FHIP1A: variants seen among roughly 807,000 people sequenced by gnomAD.
FHIP1A encodes the protein FHF complex subunit HOOK-interacting protein 1A.
FHIP1A carries 61 observed loss-of-function variants against 88.6 expected under a neutral mutation model. That is an observed-to-expected ratio of 0.69 (90% CI 0.56 to 0.85). The LOEUF is 0.85. Among genes scored for constraint, FHIP1A ranks in the 40% least tolerant of loss-of-function variants. The pLI, the probability that FHIP1A is intolerant of heterozygous loss-of-function variation, is 0.00. For missense variants in FHIP1A, 1,154 were observed against 1,273.5 expected (o/e 0.91, Z 1.43); for synonymous variants, 478 against 496.0 (o/e 0.96, Z 0.48).
At chr4:151,485,904 C>G (rs1730066971) in intron 3 of FHIP1A, among the ~76,000 whole-genome samples, 1 of 152,112 alleles carries the variant, frequency 6.6e-6, no homozygotes, top group Non-Finnish European at 1.5e-5. Flanking sequence ...TTATATTTAA[C>G]AAGCCCTCTA....
At chr4:151,597,880 G>A (rs572980454) in intron 7 of FHIP1A, among the ~76,000 whole-genome samples, 33 of 152,182 alleles carry the variant, frequency 2.2e-4, no homozygotes, top group Non-Finnish European at 4.7e-4. Flanking sequence ...GCCCCTCCCC[G>A]CACCAAGCTC....
chr4:151,483,178 A>G (rs1729960128), intron 3 of FHIP1A, among the ~76,000 whole-genome samples: 1 of 152,130 alleles, frequency 6.6e-6, no homozygotes, highest in Admixed American at 6.6e-5. Context: ...AAATGTTGAT[A>G]TTCTTTCTTA....
At chr4:151,506,706 A>G (rs567606646) in intron 3 of FHIP1A, among the ~76,000 whole-genome samples, 1 of 152,222 alleles carries the variant, frequency 6.6e-6, no homozygotes, top group East Asian at 1.9e-4. Flanking sequence ...TCAAGGATCC[A>G]CCCTCATGAT....
In FHIP1A at chr4:151,629,754, G is replaced by A. The variant is rs536110772; in HGVS notation, c.1031G>A (p.Arg344His). The part of the protein sequence containing the change: ...TTTAYLDLFL[R>H]SISEPALLEI... Reference sequence around the variant, plus strand: ...ACTGCATATCTGGACCTTTTCCTGCGTAGCATCTCCGAGCCAGCACTACTT... The same window carrying A: ...ACTGCATATCTGGACCTTTTCCTGCATAGCATCTCCGAGCCAGCACTACTT... The change falls in exon 8 of 14, where the codon CGT (arginine) becomes CAT (histidine). Residue 344 changes from arginine (R) to histidine (H), a missense_variant. Coordinates refer to ENST00000435205, the MANE Select transcript of FHIP1A (RefSeq NM_001109977.3). 9.9e-5 allele frequency: 154 copies of A among 1,551,348 alleles called. No individual in the cohort carries two copies. The East Asian group carries it at 1.1e-3, about 11-fold the overall frequency.
intron 3 of FHIP1A, among the ~76,000 whole-genome samples, chr4:151,558,569 AAAG>A (rs1271728718): frequency 1.3e-5 from 2 of 151,336 alleles, no homozygotes; most frequent in Non-Finnish European, 3.0e-5. Context: ...ACAAACAGAA[AAAG>A]TGTTGCAGTG....
At chr4:151,585,855 C>G (rs951425129) in intron 5 of FHIP1A, among the ~76,000 whole-genome samples, 2 of 152,032 alleles carry the variant, frequency 1.3e-5, no homozygotes, top group Non-Finnish European at 2.9e-5. Context: ...AATGCCAGAC[C>G]GATAGATGTC....
intron 1 of FHIP1A, among the ~76,000 whole-genome samples, chr4:151,422,318 G>A (rs1349741067): frequency 6.6e-6 from 1 of 151,824 alleles, no homozygotes; most frequent in African/African-American, 2.4e-5. Flanking sequence ...ATAGACCAGT[G>A]CATGACATTC....
chr4:151,433,205 TATAAG>T (rs1733661716), intron 1 of FHIP1A, among the ~76,000 whole-genome samples: 2 of 151,684 alleles, frequency 1.3e-5, no homozygotes, highest in Non-Finnish European at 2.9e-5. Flanking sequence ...TACAGCAGTA[TATAAG>T]ATAAGTTGGA....
chr4:151,646,707 G>A lies in FHIP1A; in HGVS notation c.1376G>A (p.Arg459Lys). The A allele has an allele frequency of 1.3e-6, 2 of 1,551,502 alleles. No individual in the cohort carries two copies. Among genetic ancestry groups the A allele is most frequent in the Non-Finnish European group, 1.7e-6 (2 of 1,146,924 alleles). ...ACTCTGACGCTGGGGAACCAAGAGA[G>A]GGATTATATTCTCTGGTCAAAGTGT... is the stretch of plus-strand genomic sequence containing the variant. ...GITLTLGNQE[R>K]DYILWSKCMH... The change falls in exon 10 of 14, where the codon AGG (arginine) becomes AAG (lysine). Residue 459 changes from arginine (R) to lysine (K), a missense_variant. Arg to Lys is a conservative substitution (Grantham distance 26). Coordinates refer to ENST00000435205, the MANE Select transcript of FHIP1A (RefSeq NM_001109977.3).
chr4:151,507,147 A>G (rs1014103782), intron 3 of FHIP1A, among the ~76,000 whole-genome samples: 1 of 151,692 alleles, frequency 6.6e-6, no homozygotes, highest in African/African-American at 2.4e-5. Flanking sequence ...TTTTTGAGAT[A>G]TGGTCTCACT....
At chr4:151,534,760 G>A (rs186188384) in intron 3 of FHIP1A, 1 of 152,194 alleles carries the variant, frequency 6.6e-6, no homozygotes, top group Non-Finnish European at 1.5e-5. Context: ...AGTGAGCATG[G>A]AGAAAATGGA....
chr4:151,621,017 C>T (rs1735722801), intron 7 of FHIP1A, among the ~76,000 whole-genome samples: 1 of 152,024 alleles, frequency 6.6e-6, no homozygotes. Context: ...CCTGCACTAT[C>T]CTAAGAGAAC....
intron 9 of FHIP1A, among the ~76,000 whole-genome samples, chr4:151,640,211 G>C (rs925895166): frequency 4.6e-5 from 7 of 152,216 alleles, no homozygotes; most frequent in Non-Finnish European, 1.0e-4. Context: ...GAGTGATGCC[G>C]TGCAGGCATA....
intron 3 of FHIP1A, among the ~76,000 whole-genome samples, chr4:151,544,949 G>A (rs966454354): frequency 1.3e-5 from 2 of 152,158 alleles, no homozygotes; most frequent in African/African-American, 2.4e-5. Context: ...GTGGTAGTGT[G>A]CACCTGCAAA....
At chr4:151,641,998 C>T (rs555625422) in intron 9 of FHIP1A, among the ~76,000 whole-genome samples, 1 of 152,178 alleles carries the variant, frequency 6.6e-6, no homozygotes, top group South Asian at 2.1e-4. Context: ...CCCAAATACT[C>T]ATAAATACCA....
At chr4:151,434,988 G>C (rs1733746817) in intron 1 of FHIP1A, among the ~76,000 whole-genome samples, 1 of 152,016 alleles carries the variant, frequency 6.6e-6, no homozygotes, top group Non-Finnish European at 1.5e-5. Flanking sequence ...AAATTGATAT[G>C]TAATAGTTTT....
intron 2 of FHIP1A, among the ~76,000 whole-genome samples, chr4:151,461,664 G>A (rs1399047725): frequency 6.6e-6 from 1 of 152,140 alleles, no homozygotes; most frequent in Non-Finnish European, 1.5e-5. Flanking sequence ...GGAAAAGAAT[G>A]TAGGGGCTAT....
chr4:151,621,592 G>A (rs1171026892), intron 7 of FHIP1A, among the ~76,000 whole-genome samples: 1 of 151,538 alleles, frequency 6.6e-6, no homozygotes, highest in Non-Finnish European at 1.5e-5. Context: ...TGGGGGGGTT[G>A]CGTGGAATGG....
At chr4:151,478,879 T>C (rs968046408) in intron 2 of FHIP1A, among the ~76,000 whole-genome samples, 2 of 152,122 alleles carry the variant, frequency 1.3e-5, no homozygotes, top group Non-Finnish European at 2.9e-5. Context: ...AGTAAGTCAG[T>C]ATTCTTGGTG....
Sources: gnomAD v4.1 joint callset for allele counts (sites outside exome capture counted in the v4.1 genomes callset) on GRCh38, gnomAD v4.1.1 for gene constraint, MANE v1.5 for transcripts, NCBI Gene and HGNC (gene_info 2026-07-23, HGNC 2026-07-21) for gene names.